Variants in SRFBP1 observed in about 807,000 individuals in gnomAD.
SRFBP1 encodes the protein serum response factor-binding protein 1.
Under a neutral mutation model 45.5 loss-of-function variants are expected in SRFBP1, and 47 were observed. The observed-to-expected ratio is 1.03, with a 90% CI of 0.82 to 1.32. The LOEUF (loss-of-function observed/expected upper bound fraction) is 1.32, where lower values mean the gene tolerates loss of function less well. Among genes scored for constraint, SRFBP1 ranks in the 40% most tolerant of loss-of-function variants. The pLI is 0.00. For synonymous variants in SRFBP1, 203 were observed against 166.3 expected (o/e 1.22, Z -1.70); for missense variants, 621 against 484.6 (o/e 1.28, Z -2.64).
intron 2 of SRFBP1, among the ~76,000 whole-genome samples, chr5:122,036,643 A>G (rs938742756): frequency 6.6e-6 from 1 of 152,156 alleles, no homozygotes; most frequent in Non-Finnish European, 1.5e-5. Flanking sequence ...GACCCTGTGT[A>G]AAAACCTTGA....
intron 5 of SRFBP1, 114 bp downstream of exon 5, chr5:122,019,455 A>G (rs1365527341): frequency 7.1e-6 from 6 of 843,668 alleles, no homozygotes; most frequent in East Asian, 2.9e-5. Flanking sequence ...GTTTCTTTCA[A>G]ATATTTACCA....
chr5:122,076,936 T>A (rs764007081), downstream of SRFBP1: 2 of 1,613,746 alleles, frequency 1.2e-6, no homozygotes, highest in Admixed American at 3.3e-5. Context: ...AGGTTGTACA[T>A]GGACATCTTC....
In SRFBP1 at chr5:122,039,197, C is replaced by T. The variant is rs547889922; in HGVS notation, n.311+16790C>T. Among the ~76,000 whole-genome samples the T allele has an allele frequency of 1.4e-4, 21 of 152,262 alleles. No homozygotes were observed. In the South Asian group the frequency reaches 3.9e-3, roughly 29 times the overall value. On this transcript the variant is annotated intron_variant and non_coding_transcript_variant, in intron 2 of 2. Coordinates refer to the SRFBP1 transcript ENST00000504881. ...AGCTTCTATTATAAATTTGTCCTTA[C>T]TCATCCTAATATGCTGGGCCTGGTG...
At chr5:122,059,864 G>A (rs1400640755) in intron 2 of SRFBP1, among the ~76,000 whole-genome samples, 1 of 152,122 alleles carries the variant, frequency 6.6e-6, no homozygotes, top group South Asian at 2.1e-4. Flanking sequence ...CCAAGAACAG[G>A]ATAGAGGGAT....
intron 3 of SRFBP1, 74 bp from the exon 4 acceptor site, chr5:121,994,525 A>G (rs998418749): frequency 3.3e-6 from 3 of 915,774 alleles, no homozygotes; most frequent in South Asian, 1.6e-5. Context: ...GTTTCTTAAG[A>G]TACGGAAAGG....
At chr5:121,970,181 T>C (rs993506717) in intron 1 of SRFBP1, among the ~76,000 whole-genome samples, 1 of 152,134 alleles carries the variant, frequency 6.6e-6, no homozygotes, top group Non-Finnish European at 1.5e-5. Flanking sequence ...TCTAAGTGCT[T>C]GGGGAAACCT....
At position 121,962,080 on chromosome 5, in the gene SRFBP1, G is replaced by C. The variant is rs767957323; in HGVS notation, c.36+12G>C. ...ACCTCAATAACGAGGTGAGCGCCGAGGAACCTATGGGGCTGACTTTAAGGG... is the reference window on the plus strand; with the variant it reads ...ACCTCAATAACGAGGTGAGCGCCGACGAACCTATGGGGCTGACTTTAAGGG... On this transcript the variant is annotated intron_variant, in intron 1 of 7. Transcript: ENST00000339397. 6.2e-7 allele frequency: 1 copy of C among 1,614,006 alleles called. No homozygotes were observed. Among genetic ancestry groups the C allele is most frequent in the South Asian group, 1.1e-5 (1 of 91,086 alleles).
chr5:122,031,598 G>A (rs894451618), downstream of SRFBP1, among the ~76,000 whole-genome samples: 12 of 152,292 alleles, frequency 7.9e-5, no homozygotes, highest in Non-Finnish European at 1.8e-4. Flanking sequence ...ACTGTCAGAT[G>A]TACCAACATA....
chr5:121,972,052 G>A (rs1235305545), intron 1 of SRFBP1, among the ~76,000 whole-genome samples: 1 of 151,888 alleles, frequency 6.6e-6, no homozygotes, highest in African/African-American at 2.4e-5. Flanking sequence ...ACCATGTAAT[G>A]AGGATGTTTA....
intron 3 of SRFBP1, among the ~76,000 whole-genome samples, chr5:121,980,188 A>T (rs141818510): frequency 1.3e-5 from 2 of 152,176 alleles, no homozygotes; most frequent in Non-Finnish European, 2.9e-5. Flanking sequence ...AATCTCTAAT[A>T]ATACTGTATT....
chr5:122,068,643 A>G (rs778867260), intron 2 of SRFBP1, among the ~76,000 whole-genome samples: 2 of 152,180 alleles, frequency 1.3e-5, no homozygotes, highest in Non-Finnish European at 2.9e-5. Context: ...AATCACAGCC[A>G]TCACTGAGTA....
rs1401166882 is a variant in SRFBP1, at chr5:121,989,412, A to G, written c.199-5187A>G. Among the ~76,000 whole-genome samples, 5 of 152,134 alleles carry G rather than the reference A, an allele frequency of 3.3e-5. 1 individual carries two copies. The South Asian group carries it at 8.3e-4, about 25-fold the overall frequency. ...GAAAGCTAAGTGTCGCTGTCTGATT[A>G]ATCATTTTACTTAGCATTAACAATA... On this transcript the variant is annotated intron_variant, in intron 3 of 7. Transcript: ENST00000339397.
intron 2 of SRFBP1, among the ~76,000 whole-genome samples, chr5:122,048,279 G>T (rs10477627): frequency 2.0e-5 from 3 of 151,870 alleles, no homozygotes; most frequent in African/African-American, 4.8e-5. Flanking sequence ...TCTCAGAGGC[G>T]TTTTCTGCAT....
At chr5:121,965,019 C>T (rs535958146) in intron 1 of SRFBP1, among the ~76,000 whole-genome samples, 11 of 152,214 alleles carry the variant, frequency 7.2e-5, no homozygotes, top group East Asian at 3.9e-4. Context: ...TCATGTCCTT[C>T]GCCCACTTTT....
At chr5:122,023,377 A>T (rs1044117372) in intron 7 of SRFBP1, among the ~76,000 whole-genome samples, 2 of 152,168 alleles carry the variant, frequency 1.3e-5, no homozygotes, top group Admixed American at 6.5e-5. Flanking sequence ...GTCATGGAGT[A>T]TTTTCCATCA....
chr5:122,051,942 G>A (rs1753994958), intron 2 of SRFBP1, among the ~76,000 whole-genome samples: 1 of 152,168 alleles, frequency 6.6e-6, no homozygotes, highest in Admixed American at 6.5e-5. Flanking sequence ...AGGCAGGTCT[G>A]ATGATAATGA....
chr5:122,028,964 T>A (rs918870085), downstream of SRFBP1, among the ~76,000 whole-genome samples: 1 of 152,218 alleles, frequency 6.6e-6, no homozygotes, highest in African/African-American at 2.4e-5. Context: ...TTTTCTGGGA[T>A]GCAGTGAAGT....
At chr5:122,029,145 G>A (rs1753551974), downstream of SRFBP1, among the ~76,000 whole-genome samples, 1 of 152,018 alleles carries the variant, frequency 6.6e-6, no homozygotes, top group African/African-American at 2.4e-5. Context: ...GTGGGAGGGG[G>A]CTACATCTAG....
At chr5:121,976,061 A>G (rs181592179) in intron 3 of SRFBP1, among the ~76,000 whole-genome samples, 34 of 152,148 alleles carry the variant, frequency 2.2e-4, no homozygotes, top group African/African-American at 7.9e-4. Flanking sequence ...GTCATTTTGC[A>G]TGCATGTTTG....
Sources: gnomAD v4.1 joint callset for allele counts (sites outside exome capture counted in the v4.1 genomes callset) on GRCh38, gnomAD v4.1.1 for gene constraint, MANE v1.5 for transcripts, NCBI Gene and HGNC (gene_info 2026-07-23, HGNC 2026-07-21) for gene names.